The following NUP58 variants were observed in gnomAD, a reference collection of about 807,000 sequenced individuals.
NUP58 encodes nucleoporin p58/p45.
A neutral mutation model predicts 70.1 loss-of-function variants in NUP58; 17 were observed. The observed-to-expected ratio is 0.24, with a 90% CI of 0.17 to 0.36. NUP58 has a LOEUF of 0.36. Ranked by LOEUF, NUP58 falls within the 10% of genes least tolerant of loss-of-function variation. The pLI, the probability that NUP58 is intolerant of heterozygous loss-of-function variation, is 1.00. For missense variants in NUP58, 644 were observed against 701.5 expected, an observed-to-expected ratio of 0.92 and a Z score of 0.93; for synonymous variants, 275 against 257.6, an observed-to-expected ratio of 1.07 and a Z score of -0.65.
intron 5 of NUP58, among the ~76,000 whole-genome samples, chr13:25,313,979 A>C (rs1041832555): frequency 6.6e-6 from 1 of 152,052 alleles, no homozygotes; most frequent in Non-Finnish European, 1.5e-5. Flanking sequence ...CCCAGGCTGG[A>C]GTGCAGTGGC....
At chr13:25,321,369 A>G (rs994593764) in intron 9 of NUP58, among the ~76,000 whole-genome samples, 4 of 152,194 alleles carry the variant, frequency 2.6e-5, no homozygotes, top group African/African-American at 9.7e-5. Flanking sequence ...TATATAAATA[A>G]GAAAAAAAGC....
intron 1 of NUP58, among the ~76,000 whole-genome samples, chr13:25,306,282 A>T (rs927298809): frequency 3.3e-5 from 5 of 151,094 alleles, no homozygotes; most frequent in African/African-American, 1.2e-4. Flanking sequence ...GCAGGCACCT[A>T]TAGTCTGAGC....
chr13:25,311,786 A>G (rs1004356515), intron 3 of NUP58, among the ~76,000 whole-genome samples: 2 of 151,286 alleles, frequency 1.3e-5, no homozygotes, highest in Non-Finnish European at 2.9e-5. Flanking sequence ...CTTAAGAGAG[A>G]TATGGCCTAA....
Position 25,315,348 on chromosome 13 carries a change from T to C in NUP58, c.575-9T>C. 2 of 1,592,754 alleles carry C rather than the reference T, an allele frequency of 1.3e-6. No homozygotes were observed. The highest frequency in any genetic ancestry group is 1.7e-6 in the Non-Finnish European group (2 of 1,164,060). On this transcript the variant is annotated splice_polypyrimidine_tract_variant and intron_variant, in intron 5 of 15. Transcript: ENST00000381736. The stretch of plus-strand genomic sequence containing the variant: ...TTGATGGAATTTATAAGTTATGTTT[T>C]ATTTATAGGACTTGGACAGAATGCT...
At chr13:25,337,148 A>G (rs1274850299) in intron 14 of NUP58, 114 bp downstream of exon 14, 5 of 538,422 alleles carry the variant, frequency 9.3e-6, no homozygotes, top group Admixed American at 3.8e-5. Flanking sequence ...TTAAGGTTCC[A>G]TCTGGCAAAA....
Position 25,339,984 on chromosome 13 carries a change from A to C in NUP58, c.1650A>C (p.Thr550=). Reference sequence around the variant, plus strand: ...CATAAGGCTTTGGCAGCTCAAGTACATCTGGGTTTAACTTCAGCAATCCTG... The same window carrying C: ...CATAAGGCTTTGGCAGCTCAAGTACCTCTGGGTTTAACTTCAGCAATCCTG... ...SLSAGFGSSS[T]SGFNFSNPGI... is the part of the protein sequence containing the mutation. Residue 550 remains threonine (T), a synonymous_variant, in exon 16 of 16, where the codon ACA becomes ACC. Transcript: ENST00000381736. 1 of 1,607,438 alleles carries C rather than the reference A, an allele frequency of 6.2e-7. No homozygotes were observed.
chr13:25,319,186 C>A, intron 6 of NUP58, 140 bp from the exon 7 acceptor site: 2 of 789,922 alleles, frequency 2.5e-6, no homozygotes, highest in Non-Finnish European at 2.2e-6. Flanking sequence ...GTCATGACAT[C>A]ACATGATGTT....
intron 13 of NUP58, chr13:25,332,767 T>A (rs2031655329): frequency 1.0e-6 from 1 of 985,318 alleles, no homozygotes. Flanking sequence ...GCTCTCTAGC[T>A]GGCTGGAGTG....
chr13:25,322,505 A>G (rs2031228286), intron 9 of NUP58, among the ~76,000 whole-genome samples: 1 of 152,232 alleles, frequency 6.6e-6, no homozygotes, highest in Non-Finnish European at 1.5e-5. Context: ...GAGTGCTAAC[A>G]TGATGCCACA....
At position 25,341,966 on chromosome 13, in the gene NUP58, G is replaced by A. The variant is rs996483317; in HGVS notation, c.*1832G>A. On this transcript the variant is annotated 3_prime_UTR_variant, in exon 16 of 16. Transcript: ENST00000381736. ...TAATGTTGGGTTTGATTATAAAAGTGTTGTCAAATGTTTTATTTATCTGCA... is the reference window on the plus strand; with the variant it reads ...TAATGTTGGGTTTGATTATAAAAGTATTGTCAAATGTTTTATTTATCTGCA... 2.6e-5 allele frequency: 4 copies of A among 152,134 alleles called. No individual in the cohort carries two copies. 9.4% of individuals were successfully genotyped at this position (152,134 alleles called of 1,614,324 possible). A position where few individuals can be genotyped will look rare whatever the true frequency, so the allele number is the denominator to read the frequency against.
intron 1 of NUP58, chr13:25,303,086 GTCTT>G: frequency 2.2e-6 from 1 of 456,416 alleles, no homozygotes; most frequent in Non-Finnish European, 4.4e-6. Context: ...TTAACCAGCT[GTCTT>G]TCTTGTTTTA....
intron 3 of NUP58, among the ~76,000 whole-genome samples, chr13:25,310,757 A>G (rs2030625789): frequency 1.3e-5 from 2 of 152,122 alleles, no homozygotes; most frequent in African/African-American, 4.8e-5. Context: ...CCAGAAGCAT[A>G]GTTTCTGGCT....
intron 1 of NUP58, among the ~76,000 whole-genome samples, chr13:25,304,288 G>A (rs1320517878): frequency 6.6e-6 from 1 of 151,674 alleles, no homozygotes; most frequent in East Asian, 1.9e-4. Flanking sequence ...AGATAACATT[G>A]GTTTGAGGCA....
At chr13:25,310,206 ATTTTTTTTTTTTTTTTTTTTTTT>A (rs796547133) in intron 3 of NUP58, among the ~76,000 whole-genome samples, 1 of 47,484 alleles carries the variant, frequency 2.1e-5, no homozygotes. Context: ...CCCTTGGCTA[ATTTTTTTTTTTTTTTTTTTTTTT>A]TTTTTTTAGA....
chr13:25,335,436 T>G, intron 13 of NUP58: 1 of 985,332 alleles, frequency 1.0e-6, no homozygotes, highest in South Asian at 4.7e-5. Flanking sequence ...GTTAAAGAAC[T>G]GGACATGTGT....
chr13:25,315,071 C>A (rs1273289964), intron 5 of NUP58, among the ~76,000 whole-genome samples: 1 of 152,150 alleles, frequency 6.6e-6, no homozygotes, highest in Non-Finnish European at 1.5e-5. Flanking sequence ...TGTAACAAAA[C>A]CCCTTTATAA....
downstream of NUP58, among the ~76,000 whole-genome samples, chr13:25,346,397 A>G (rs1355074816): frequency 6.6e-6 from 1 of 152,138 alleles, no homozygotes; most frequent in Non-Finnish European, 1.5e-5. Flanking sequence ...ACATAAATTA[A>G]TGATATAAAG....
chr13:25,323,187 A>G (rs2031256670), intron 9 of NUP58, among the ~76,000 whole-genome samples: 1 of 152,094 alleles, frequency 6.6e-6, no homozygotes, highest in Non-Finnish European at 1.5e-5. Context: ...TGGCAAAGGA[A>G]TAAGAGGTTG....
chr13:25,325,464 A>G (rs183442747), intron 10 of NUP58, among the ~76,000 whole-genome samples: 1 of 152,224 alleles, frequency 6.6e-6, no homozygotes, highest in African/African-American at 2.4e-5. Context: ...TAATCACATC[A>G]CTCAGCTTGT....
Sources: gnomAD v4.1 joint callset for allele counts (sites outside exome capture counted in the v4.1 genomes callset) on GRCh38, gnomAD v4.1.1 for gene constraint, MANE v1.5 for transcripts, NCBI Gene and HGNC (gene_info 2026-07-23, HGNC 2026-07-21) for gene names.